ADAMTS17: variants seen among roughly 807,000 people sequenced by gnomAD.
ADAMTS17 encodes ADAM metallopeptidase with thrombospondin type 1 motif 17, also known as A disintegrin and metalloproteinase with thrombospondin motifs 17.
A neutral mutation model predicts 141.5 loss-of-function variants in ADAMTS17; 113 were observed. The ratio of observed to expected loss-of-function variants is 0.80; its 90% confidence interval spans 0.69 to 0.93. The LOEUF (loss-of-function observed/expected upper bound fraction) is 0.93. Among genes scored for constraint, ADAMTS17 ranks in the 40% least tolerant of loss-of-function variants. The pLI, the probability that ADAMTS17 is intolerant of heterozygous loss-of-function variation, is 0.00. For synonymous variants in ADAMTS17, 768 were observed against 630.6 expected, an observed-to-expected ratio of 1.22 and a Z score of -3.27; for missense variants, 1,659 against 1,517.9, an observed-to-expected ratio of 1.09 and a Z score of -1.54.
In ADAMTS17 at chr15:100,058,263, G is replaced by GGCTCTA. The variant is rs1567101913; in HGVS notation, c.2138-4210_2138-4209insTAGAGC. On this transcript the variant is annotated intron_variant, in intron 15 of 21. Transcript: ENST00000268070. ...GCTCTGACCCTCCTATCCCGGCTCT[G>GGCTCTA]ACACCCCTATCCCGGCTCTAACCCT... is the stretch of plus-strand genomic sequence containing the variant. Among the ~76,000 whole-genome samples the GGCTCTA allele has an allele frequency of 5.2e-4, 16 of 30,810 alleles. 1 individual carries two copies. The highest frequency in any genetic ancestry group is 1.2e-3 in the South Asian group (1 of 822). 20.2% of individuals were successfully genotyped at this position (30,810 alleles called of 152,430 possible).
chr15:100,203,361 T>A (rs1024522550), intron 7 of ADAMTS17, among the ~76,000 whole-genome samples: 1 of 151,932 alleles, frequency 6.6e-6, no homozygotes, highest in Admixed American at 6.6e-5. Context: ...TCGCCTGAGG[T>A]CAGGAGTTCA....
At chr15:100,228,042 A>G (rs2042364563) in intron 7 of ADAMTS17, among the ~76,000 whole-genome samples, 1 of 152,184 alleles carries the variant, frequency 6.6e-6, no homozygotes, top group South Asian at 2.1e-4. Flanking sequence ...TGGAGCCCTC[A>G]AGGCCCTGCA....
intron 18 of ADAMTS17, among the ~76,000 whole-genome samples, chr15:100,000,910 A>C (rs149744717): frequency 4.6e-5 from 7 of 152,342 alleles, no homozygotes; most frequent in African/African-American, 1.7e-4. Flanking sequence ...ATAAAAACGT[A>C]TGCTTATTTC....
At chr15:100,233,211 C>G (rs1307842188) in intron 7 of ADAMTS17, among the ~76,000 whole-genome samples, 1 of 151,984 alleles carries the variant, frequency 6.6e-6, no homozygotes, top group Admixed American at 6.6e-5. Flanking sequence ...ACGCCTGTAA[C>G]CCCAGGTACT....
intron 8 of ADAMTS17, among the ~76,000 whole-genome samples, chr15:100,174,502 T>C (rs1028154544): frequency 6.6e-6 from 1 of 152,238 alleles, no homozygotes; most frequent in Non-Finnish European, 1.5e-5. Flanking sequence ...TCCATGCAGT[T>C]TCATCTTTGG....
chr15:100,322,597 T>C (rs368486488), intron 3 of ADAMTS17, among the ~76,000 whole-genome samples: 113 of 152,218 alleles, frequency 7.4e-4, no homozygotes, highest in Non-Finnish European at 1.4e-3. Context: ...AGACAATCAA[T>C]GTAGACCAAA....
At chr15:100,146,536 G>A (rs189321242) in intron 10 of ADAMTS17, among the ~76,000 whole-genome samples, 84 of 152,256 alleles carry the variant, frequency 5.5e-4, no homozygotes, top group South Asian at 2.7e-3. Context: ...TGTGTTAACT[G>A]CACAAATTGT....
At chr15:99,978,205 A>G (rs1279156076) in intron 20 of ADAMTS17, among the ~76,000 whole-genome samples, 1 of 152,106 alleles carries the variant, frequency 6.6e-6, no homozygotes, top group East Asian at 1.9e-4. Flanking sequence ...GTGGTGTCCC[A>G]TCTGTGCCTG....
chr15:100,123,475 C>T (rs1353141326), intron 12 of ADAMTS17, among the ~76,000 whole-genome samples: 1 of 152,178 alleles, frequency 6.6e-6, no homozygotes, highest in Non-Finnish European at 1.5e-5. Flanking sequence ...CTCCAAGGCT[C>T]CGAGGTCCCA....
At chr15:100,227,758 G>C (rs922598571) in intron 7 of ADAMTS17, among the ~76,000 whole-genome samples, 1 of 152,252 alleles carries the variant, frequency 6.6e-6, no homozygotes, top group Non-Finnish European at 1.5e-5. Flanking sequence ...AGCCACTGCT[G>C]CAAGGGAGAC....
chr15:100,116,553 C>T (rs1248186071), intron 13 of ADAMTS17, among the ~76,000 whole-genome samples: 2 of 152,272 alleles, frequency 1.3e-5, no homozygotes, highest in East Asian at 3.8e-4. Flanking sequence ...TCCCTCCACA[C>T]ATGGCGCCAG....
chr15:100,336,505 A>C (rs745374404), intron 2 of ADAMTS17, among the ~76,000 whole-genome samples: 1 of 152,130 alleles, frequency 6.6e-6, no homozygotes, highest in Admixed American at 6.5e-5. Flanking sequence ...CTTTTTACAA[A>C]GTTCTATATA....
At chr15:100,200,220 G>T (rs914196547) in intron 7 of ADAMTS17, among the ~76,000 whole-genome samples, 1 of 152,208 alleles carries the variant, frequency 6.6e-6, no homozygotes, top group South Asian at 2.1e-4. Flanking sequence ...AGTGGAGGCC[G>T]CATCCCAAGG....
intron 3 of ADAMTS17, among the ~76,000 whole-genome samples, chr15:100,294,123 A>G (rs1219456148): frequency 6.6e-6 from 1 of 152,232 alleles, no homozygotes; most frequent in Non-Finnish European, 1.5e-5. Flanking sequence ...AGGGTCAGAT[A>G]TATAACAACA....
intron 12 of ADAMTS17, among the ~76,000 whole-genome samples, chr15:100,117,898 T>A (rs560437934): frequency 3.4e-4 from 52 of 152,360 alleles, no homozygotes; most frequent in Admixed American, 1.4e-3. Flanking sequence ...CAAACAGTTC[T>A]GCTCAATGAA....
At chr15:100,094,951 G>T (rs1332523220) in intron 15 of ADAMTS17, among the ~76,000 whole-genome samples, 1 of 152,224 alleles carries the variant, frequency 6.6e-6, no homozygotes, top group African/African-American at 2.4e-5. Context: ...TGGGAATATT[G>T]TCTGCCTGTG....
intron 4 of ADAMTS17, among the ~76,000 whole-genome samples, chr15:100,277,797 A>G (rs1596426794): frequency 6.6e-6 from 1 of 152,278 alleles, no homozygotes; most frequent in South Asian, 2.1e-4. Flanking sequence ...TGTATGCCCA[A>G]AAGAATTGAA....
chr15:100,131,938 G>C (rs2038065425), intron 12 of ADAMTS17, 69 bp downstream of exon 12: 1 of 1,607,026 alleles, frequency 6.2e-7, no homozygotes, highest in African/African-American at 1.3e-5. Context: ...CTTTGTGTGA[G>C]GCAGCGAGAG....
intron 17 of ADAMTS17, 25 bp downstream of exon 17, chr15:100,051,547 C>T (rs536772061): frequency 1.2e-6 from 2 of 1,612,668 alleles, no homozygotes; most frequent in South Asian, 1.1e-5. Flanking sequence ...CCACACCCAA[C>T]AGGTCATGGA....
Sources: gnomAD v4.1 joint callset for allele counts (sites outside exome capture counted in the v4.1 genomes callset) on GRCh38, gnomAD v4.1.1 for gene constraint, MANE v1.5 for transcripts, NCBI Gene and HGNC (gene_info 2026-07-23, HGNC 2026-07-21) for gene names.